RFX7: variants seen among roughly 807,000 people sequenced by gnomAD.
RFX7 encodes DNA-binding protein RFX7.
Under a neutral mutation model 111.8 loss-of-function variants are expected in RFX7, and 26 were observed. That is an observed-to-expected ratio of 0.23 (90% CI 0.17 to 0.32). The LOEUF is 0.32. Ranked by LOEUF, RFX7 falls within the 10% of genes least tolerant of loss-of-function variation. The pLI, the probability that RFX7 is intolerant of heterozygous loss-of-function variation, is 1.00. For synonymous variants in RFX7, 624 were observed against 624.4 expected (o/e 1.00, Z 0.01); for missense variants, 1,573 against 1,772.9 (o/e 0.89, Z 2.02).
At chr15:56,098,743 TC>T (rs1224689580) in intron 8 of RFX7, among the ~76,000 whole-genome samples, 1 of 152,140 alleles carries the variant, frequency 6.6e-6, no homozygotes, top group African/African-American at 2.4e-5. Flanking sequence ...TAAATTTCCC[TC>T]CCCCCATTTC....
intron 5 of RFX7, among the ~76,000 whole-genome samples, chr15:56,130,150 T>G (rs1170710643): frequency 1.3e-5 from 2 of 152,152 alleles, no homozygotes; most frequent in Non-Finnish European, 2.9e-5. Flanking sequence ...ATTTACTCAG[T>G]TGAAGATGAG....
At position 56,243,196 on chromosome 15, in the gene RFX7, C is replaced by T. The variant is rs1234933464; in HGVS notation, c.90G>A (p.Leu30=). ...CTGGCAGCCCGGGCACAAGGGCTGG[C>T]AGGGCCACCCCCGAGTTGGGGGCGC... ...PPSAPNSGVA[L]PALVPGLPGT... is the part of the protein sequence containing the mutation. The change falls in exon 2 of 10, where the codon CTG becomes CTA. Residue 30 remains leucine, a synonymous_variant. Coordinates refer to ENST00000559447, the MANE Select transcript of RFX7 (RefSeq NM_022841.7). 1.5e-6 allele frequency: 2 copies of T among 1,346,540 alleles called. No homozygotes were observed. The highest frequency in any genetic ancestry group is 1.2e-5 in the South Asian group (1 of 84,622). 83.4% of individuals were successfully genotyped at this position (1,346,540 alleles called of 1,614,324 possible). A position where few individuals can be genotyped will look rare whatever the true frequency, so the allele number is the denominator to read the frequency against.
intron 3 of RFX7, among the ~76,000 whole-genome samples, chr15:56,147,794 C>T (rs374191370): frequency 2.9e-4 from 44 of 152,218 alleles, no homozygotes; most frequent in Middle Eastern, 3.4e-3. Context: ...AGGATGGTCT[C>T]GATCTCCTGA....
intron 9 of RFX7, 59 bp from the exon 10 acceptor site, chr15:56,096,679 T>C (rs1439430284): frequency 6.9e-7 from 1 of 1,455,494 alleles, no homozygotes; most frequent in Non-Finnish European, 9.2e-7. Flanking sequence ...TAGTAATTCA[T>C]GTATCTGTAT....
At chr15:56,159,437 A>G (rs376586737) in intron 3 of RFX7, among the ~76,000 whole-genome samples, 1 of 152,200 alleles carries the variant, frequency 6.6e-6, no homozygotes, top group South Asian at 2.1e-4. Flanking sequence ...GTCACTCATC[A>G]TTGAAGATTA....
rs1595997471 is a variant in RFX7 at position 56,189,227 on chromosome 15, T to A, written c.162-9924A>T. ...CACAGTGAGACTCTATTTCTACAAA[T>A]TTTTTTTTAAAAAGCCAGGCGTGGT... is the stretch of plus-strand genomic sequence containing the variant. On this transcript the variant is annotated intron_variant, in intron 2 of 9. Transcript: ENST00000559447. 2.6e-5 allele frequency among the ~76,000 whole-genome samples: 4 copies of A among 151,682 alleles called. No homozygotes were observed. In the South Asian group the frequency reaches 8.3e-4, roughly 32 times the overall value.
At chr15:56,173,845 A>G (rs1471193160) in intron 3 of RFX7, among the ~76,000 whole-genome samples, 1 of 152,192 alleles carries the variant, frequency 6.6e-6, no homozygotes, top group Non-Finnish European at 1.5e-5. Flanking sequence ...GCAATCAAGG[A>G]ATTTAAGACA....
In RFX7 at chr15:56,095,536, G is replaced by T; in HGVS notation, c.2192C>A (p.Pro731His). The T allele has an allele frequency of 6.2e-7, 1 of 1,613,664 alleles. No homozygotes were observed. Residue 731 changes from proline (P) to histidine (H), a missense_variant, in exon 10 of 10, where the codon CCC (proline) becomes CAC (histidine). Pro to His is a moderately conservative substitution (Grantham distance 77). This residue lies in a region of RFX7 where 625 missense variants were observed against 632.2 expected (regional missense o/e 0.99). Transcript: ENST00000559447. ...GATAACAAGGGCAGAGGAATTCAAGGGTTGATTTGCTCCTATGTGTGAACT... is the reference window on the plus strand; with the variant it reads ...GATAACAAGGGCAGAGGAATTCAAGTGTTGATTTGCTCCTATGTGTGAACT... ...NVSSHIGANQ[P>H]LNSSALVISD...
intron 3 of RFX7, among the ~76,000 whole-genome samples, chr15:56,155,634 G>A (rs1470050579): frequency 1.3e-5 from 2 of 152,122 alleles, no homozygotes; most frequent in Non-Finnish European, 2.9e-5. Context: ...GGCTAGGGGA[G>A]GGATAACATT....
intron 5 of RFX7, among the ~76,000 whole-genome samples, chr15:56,135,860 T>C (rs1270622884): frequency 2.6e-5 from 4 of 152,184 alleles, no homozygotes; most frequent in African/African-American, 9.6e-5. Context: ...CAGTACCATT[T>C]ATTAAATAGG....
At chr15:56,236,198 C>T (rs577951325) in intron 2 of RFX7, among the ~76,000 whole-genome samples, 364 of 152,100 alleles carry the variant, frequency 2.4e-3, no homozygotes, top group South Asian at 4.4e-3. Flanking sequence ...AAATAGGAGG[C>T]ATACAGTTAG....
At chr15:56,213,310 T>C (rs1271494997) in intron 2 of RFX7, among the ~76,000 whole-genome samples, 2 of 152,130 alleles carry the variant, frequency 1.3e-5, no homozygotes, top group Non-Finnish European at 2.9e-5. Flanking sequence ...AATGGGAGAA[T>C]GGTTAAACTG....
chr15:56,204,489 G>A (rs951754432), intron 2 of RFX7, among the ~76,000 whole-genome samples: 2 of 152,272 alleles, frequency 1.3e-5, no homozygotes, highest in East Asian at 3.9e-4. Flanking sequence ...GCACAGGTAA[G>A]GCTACTCCTA....
rs1317460391 is a variant in RFX7, at chr15:56,087,557, C to G, written c.*5788G>C. 4.4e-6 allele frequency: 2 copies of G among 456,678 alleles called. No homozygotes were observed. Among genetic ancestry groups the G allele is most frequent in the Non-Finnish European group, 4.4e-6 (1 of 226,950 alleles). The allele number at this position is 456,678 out of a possible 1,614,324, so 28.3% of individuals were successfully genotyped here. ...CCTTTTGGTTACATCTCTTTGAGTA[C>G]TTGGTAAGTGTCTCCACTTAACTGC... On this transcript the variant is annotated 3_prime_UTR_variant, in exon 10 of 10. Coordinates refer to ENST00000559447, the MANE Select transcript of RFX7 (RefSeq NM_022841.7).
rs766347527 is a variant in RFX7 at position 56,095,736 on chromosome 15, C to T, written c.1992G>A (p.Leu664=). The part of the protein sequence containing the change: ...KSPRKRLSST[L]QETQVPPVKK... The stretch of plus-strand genomic sequence containing the variant: ...TTACAGGAGGCACCTGGGTCTCCTG[C>T]AATGTAGAAGACAGTCGTTTTCTTG... Residue 664 remains leucine, a synonymous_variant, in exon 10 of 10, where the codon TTG becomes TTA. Coordinates refer to ENST00000559447, the MANE Select transcript of RFX7 (RefSeq NM_022841.7). The T allele has an allele frequency of 1.3e-5, 21 of 1,613,778 alleles. No individual in the cohort carries two copies. Among genetic ancestry groups the T allele is most frequent in the Non-Finnish European group, 1.8e-5 (21 of 1,179,852 alleles).
chr15:56,107,101 T>C (rs2041839210), intron 5 of RFX7, among the ~76,000 whole-genome samples: 3 of 151,932 alleles, frequency 2.0e-5, no homozygotes, highest in Admixed American at 1.3e-4. Context: ...ATCGAGACCA[T>C]CCTGGCTAAC....
chr15:56,163,021 G>A (rs1048921998), intron 3 of RFX7, among the ~76,000 whole-genome samples: 5 of 152,004 alleles, frequency 3.3e-5, no homozygotes, highest in Non-Finnish European at 7.4e-5. Flanking sequence ...AGCAGTAACA[G>A]GTGAATTTTT....
At chr15:56,182,649 C>T (rs1421400856) in intron 2 of RFX7, among the ~76,000 whole-genome samples, 5 of 152,048 alleles carry the variant, frequency 3.3e-5, no homozygotes, top group Non-Finnish European at 7.4e-5. Context: ...TTTTGAGATC[C>T]ATCCATGTTG....
At chr15:56,187,970 G>C (rs1248413979) in intron 2 of RFX7, among the ~76,000 whole-genome samples, 1 of 152,096 alleles carries the variant, frequency 6.6e-6, no homozygotes, top group Non-Finnish European at 1.5e-5. Context: ...AGAAAAAGCA[G>C]CTCACAGACA....
Sources: allele counts gnomAD v4.1 joint callset (sites outside exome capture counted in the v4.1 genomes callset), GRCh38; gene constraint gnomAD v4.1.1; regional missense constraint gnomAD v4.1.1; transcripts MANE v1.5; gene names NCBI Gene and HGNC (gene_info 2026-07-23, HGNC 2026-07-21).